The following MAP3K21 variants were observed in gnomAD, a reference collection of about 807,000 sequenced individuals.
MAP3K21 encodes mitogen-activated protein kinase kinase kinase MLK4.
A neutral mutation model predicts 86.1 loss-of-function variants in MAP3K21; 63 were observed. The ratio of observed to expected loss-of-function variants is 0.73; its 90% CI spans 0.60 to 0.90. MAP3K21 has a LOEUF of 0.90. Ranked by LOEUF, MAP3K21 falls within the 40% of genes least tolerant of loss-of-function variation. The probability of loss-of-function intolerance (pLI) is 0.00; values close to 1 mark genes in which losing one functional copy is unlikely to be tolerated. For missense variants in MAP3K21, 1,220 were observed against 1,367.7 expected (o/e 0.89, Z 1.70); for synonymous variants, 558 against 564.8 (o/e 0.99, Z 0.17).
At chr1:233,339,801 A>G (rs1372250937) in intron 1 of MAP3K21, among the ~76,000 whole-genome samples, 1 of 152,086 alleles carries the variant, frequency 6.6e-6, no homozygotes, top group Non-Finnish European at 1.5e-5. Flanking sequence ...TTCATTTCTT[A>G]ATGTCCAGAT....
chr1:233,355,238 AAGAG>A (rs10577378), intron 4 of MAP3K21, among the ~76,000 whole-genome samples: 66,553 of 151,400 alleles, frequency 0.44, 14,970 homozygotes, highest in Admixed American at 0.55. Context: ...CAAAGTAAAA[AAGAG>A]AGAGAGAGCA....
chr1:233,343,375 A>G (rs1663074440), intron 1 of MAP3K21, among the ~76,000 whole-genome samples: 1 of 152,162 alleles, frequency 6.6e-6, no homozygotes, highest in African/African-American at 2.4e-5. Flanking sequence ...ACTCCTCCCT[A>G]CAATCTTATG....
At chr1:233,339,195 TTTCTTCTTCTTCTTC>T (rs71173272) in intron 1 of MAP3K21, among the ~76,000 whole-genome samples, 1,214 of 115,468 alleles carry the variant, frequency 0.011, 50 homozygotes, top group Non-Finnish European at 0.016. Context: ...AAAACAATCA[TTTCTTCTTCTTCTTC>T]TTCTTCTTCT....
intron 1 of MAP3K21, among the ~76,000 whole-genome samples, chr1:233,329,473 G>A (rs892730866): frequency 6.6e-6 from 1 of 152,092 alleles, no homozygotes; most frequent in African/African-American, 2.4e-5. Flanking sequence ...GGCCAACATG[G>A]CGAAACCCTG....
Position 233,382,772 on chromosome 1 carries a change from C to A in MAP3K21, c.*61C>A. 1 of 1,433,376 alleles carries A rather than the reference C, an allele frequency of 7.0e-7. No individual in the cohort carries two copies. 88.8% of individuals were successfully genotyped at this position (1,433,376 alleles called of 1,614,324 possible). On this transcript the variant is annotated 3_prime_UTR_variant, in exon 10 of 10. Coordinates refer to ENST00000366624, the MANE Select transcript of MAP3K21 (RefSeq NM_032435.3). ...AGGTGAACAAATGAACACAATGTAT[C>A]TACCTTTGAACTGTTTCATGCTGCT...
chr1:233,354,203 A>G (rs938106040), intron 3 of MAP3K21, among the ~76,000 whole-genome samples: 4 of 152,194 alleles, frequency 2.6e-5, no homozygotes, highest in East Asian at 3.9e-4. Flanking sequence ...TCAACTGAAA[A>G]GTAGTAACAT....
At chr1:233,334,864 C>T (rs1023960948) in intron 1 of MAP3K21, among the ~76,000 whole-genome samples, 2 of 152,052 alleles carry the variant, frequency 1.3e-5, no homozygotes, top group African/African-American at 4.8e-5. Context: ...ATTGGTTTGA[C>T]CACATTGTTT....
At chr1:233,339,374 CCTTCTTCTCCTTCTT>C (rs1558451228) in intron 1 of MAP3K21, among the ~76,000 whole-genome samples, 2 of 44,370 alleles carry the variant, frequency 4.5e-5, no homozygotes, top group African/African-American at 1.1e-4. Flanking sequence ...TCCTCCTTCT[CCTTCTTCTCCTTCTT>C]CTCCTCCTTC....
intron 5 of MAP3K21, among the ~76,000 whole-genome samples, chr1:233,370,809 A>G (rs1162231332): frequency 1.3e-5 from 2 of 152,234 alleles, no homozygotes; most frequent in South Asian, 2.1e-4. Context: ...GATGTCTAAT[A>G]TGGCAATGAA....
chr1:233,362,030 G>A (rs752654273), intron 4 of MAP3K21, 23 bp from the exon 5 acceptor site: 2 of 1,606,820 alleles, frequency 1.2e-6, no homozygotes, highest in Admixed American at 1.7e-5. Context: ...AATGATTCCG[G>A]TGGGTGTGAA....
At chr1:233,338,445 G>A (rs1662956722) in intron 1 of MAP3K21, among the ~76,000 whole-genome samples, 2 of 152,184 alleles carry the variant, frequency 1.3e-5, no homozygotes, top group African/African-American at 2.4e-5. Context: ...AATAAATAAT[G>A]TGTAGTATCT....
chr1:233,335,532 G>GT (rs1381841756), intron 1 of MAP3K21, among the ~76,000 whole-genome samples: 3 of 151,282 alleles, frequency 2.0e-5, no homozygotes, highest in African/African-American at 7.3e-5. Flanking sequence ...CAATTTACAG[G>GT]TAAAAAAAAA....
intron 2 of MAP3K21, 23 bp downstream of exon 2, chr1:233,346,645 A>G (rs772630191): frequency 5.6e-6 from 9 of 1,606,180 alleles, no homozygotes; most frequent in Admixed American, 3.4e-5. Context: ...TTTTGCAAAC[A>G]TCGGCAGAAA....
chr1:233,358,420 G>C (rs950895105), intron 4 of MAP3K21, among the ~76,000 whole-genome samples: 1 of 150,260 alleles, frequency 6.7e-6, no homozygotes, highest in Non-Finnish European at 1.5e-5. Context: ...ATGTTTCTTG[G>C]AAACTTTTAT....
intron 5 of MAP3K21, among the ~76,000 whole-genome samples, chr1:233,368,136 CA>C (rs903280042): frequency 4.4e-4 from 67 of 152,340 alleles, no homozygotes; most frequent in African/African-American, 1.6e-3. Context: ...CTGTTATTGA[CA>C]GGAGGGCTCC....
At chr1:233,381,721 C>T (rs917110029) in intron 9 of MAP3K21, among the ~76,000 whole-genome samples, 1 of 152,192 alleles carries the variant, frequency 6.6e-6, no homozygotes, top group Admixed American at 6.5e-5. Flanking sequence ...TTTTCTCTAA[C>T]TTATAAGCCA....
chr1:233,375,863 A>C, intron 6 of MAP3K21, 53 bp from the exon 7 acceptor site: 1 of 1,443,414 alleles, frequency 6.9e-7, no homozygotes, highest in Non-Finnish European at 9.6e-7. Context: ...AACAAAGCCA[A>C]TATTGGTTAA....
intron 2 of MAP3K21, among the ~76,000 whole-genome samples, chr1:233,348,355 T>G (rs1365511900): frequency 6.6e-6 from 1 of 152,254 alleles, no homozygotes; most frequent in African/African-American, 2.4e-5. Context: ...AGAGTATTAC[T>G]GTACCACATC....
At chr1:233,352,612 G>A (rs945162453) in intron 2 of MAP3K21, among the ~76,000 whole-genome samples, 1 of 151,908 alleles carries the variant, frequency 6.6e-6, no homozygotes. Flanking sequence ...TGTATTTTTA[G>A]TAGAAACAGG....
Sources: gnomAD v4.1 joint callset for allele counts (sites outside exome capture counted in the v4.1 genomes callset) on GRCh38, gnomAD v4.1.1 for gene constraint, MANE v1.5 for transcripts, NCBI Gene and HGNC (gene_info 2026-07-23, HGNC 2026-07-21) for gene names.